Variants in KCNMA1 observed in about 807,000 individuals in gnomAD.
The protein encoded by KCNMA1 is Calcium-activated potassium channel subunit alpha-1.
KCNMA1 carries 29 observed loss-of-function variants against 140.0 expected under a neutral mutation model. That is an observed-to-expected ratio of 0.21 (90% CI 0.15 to 0.28). KCNMA1 has a LOEUF of 0.28. Among genes scored for constraint, KCNMA1 ranks in the 10% least tolerant of loss-of-function variants. The probability of loss-of-function intolerance (pLI) is 1.00; values close to 1 mark genes in which losing one functional copy is unlikely to be tolerated. For synonymous variants in KCNMA1, 612 were observed against 611.9 expected (o/e 1.00, Z 0.00); for missense variants, 880 against 1,602.2 (o/e 0.55, Z 7.70).
At chr10:77,304,177 T>C (rs2154336321) in intron 2 of KCNMA1, among the ~76,000 whole-genome samples, 1 of 152,178 alleles carries the variant, frequency 6.6e-6, no homozygotes, top group East Asian at 1.9e-4. Context: ...GAAGGGAAAA[T>C]GAGAACAAGA....
At chr10:77,012,412 A>G (rs2091013907) in intron 17 of KCNMA1, 1 of 1,545,890 alleles carries the variant, frequency 6.5e-7, no homozygotes, top group East Asian at 2.4e-5. Flanking sequence ...GGGAAGTTAA[A>G]TACAACACCA....
chr10:77,088,980 C>T (rs765633448), intron 10 of KCNMA1, among the ~76,000 whole-genome samples: 6 of 152,174 alleles, frequency 3.9e-5, no homozygotes, highest in Non-Finnish European at 5.9e-5. Flanking sequence ...TCTTGAAATG[C>T]CCAACTCATG....
chr10:77,570,452 T>C (rs1417036182), intron 1 of KCNMA1, among the ~76,000 whole-genome samples: 1 of 149,104 alleles, frequency 6.7e-6, no homozygotes, highest in Admixed American at 6.7e-5. Flanking sequence ...ATGGATGAAA[T>C]TGGAAATCAT....
At chr10:77,300,019 C>T (rs2076179653) in intron 2 of KCNMA1, among the ~76,000 whole-genome samples, 1 of 152,226 alleles carries the variant, frequency 6.6e-6, no homozygotes, top group Non-Finnish European at 1.5e-5. Context: ...TGGGCTCCAT[C>T]AGCTCATGCT....
intron 2 of KCNMA1, among the ~76,000 whole-genome samples, chr10:77,294,643 G>T (rs1318985123): frequency 2.0e-5 from 3 of 152,222 alleles, no homozygotes; most frequent in Admixed American, 1.3e-4. Flanking sequence ...TCAGGGCCAG[G>T]CACAGTGACT....
chr10:77,398,655 A>G (rs568129275), intron 2 of KCNMA1, among the ~76,000 whole-genome samples: 3 of 152,354 alleles, frequency 2.0e-5, no homozygotes, highest in African/African-American at 4.8e-5. Flanking sequence ...AAGAAAGTTT[A>G]CTGGAACAAA....
exon 30 of KCNMA1, chr10:76,877,813 C>T (rs1311354814): frequency 1.9e-6 from 3 of 1,597,702 alleles, no homozygotes; most frequent in East Asian, 2.2e-5. Flanking sequence ...ATCTGGTTAG[C>T]CATGTGGGTA....
At chr10:77,496,835 C>A (rs959191460) in intron 1 of KCNMA1, among the ~76,000 whole-genome samples, 1 of 152,160 alleles carries the variant, frequency 6.6e-6, no homozygotes, top group Non-Finnish European at 1.5e-5. Flanking sequence ...CCTGCTGTCA[C>A]CTGGCTGTCT....
intron 1 of KCNMA1, among the ~76,000 whole-genome samples, chr10:77,613,989 T>C (rs891565012): frequency 6.6e-5 from 10 of 152,162 alleles, no homozygotes; most frequent in African/African-American, 2.4e-4. Flanking sequence ...TGACAAGTCA[T>C]TGGCAAGAAG....
chr10:77,086,388 TG>T, intron 11 of KCNMA1, 99 bp downstream of exon 11: 1 of 864,928 alleles, frequency 1.2e-6, no homozygotes, highest in Non-Finnish European at 2.0e-6. Flanking sequence ...AGATGACTCG[TG>T]GCCAACCTAG....
At chr10:77,625,368 G>A (rs921172964) in intron 1 of KCNMA1, among the ~76,000 whole-genome samples, 6 of 151,986 alleles carry the variant, frequency 3.9e-5, no homozygotes, top group African/African-American at 7.2e-5. Context: ...GCGACAGAGC[G>A]AGACTCTGCC....
At chr10:77,395,391 T>G (rs1393650022) in intron 2 of KCNMA1, among the ~76,000 whole-genome samples, 2 of 152,110 alleles carry the variant, frequency 1.3e-5, no homozygotes, top group Non-Finnish European at 2.9e-5. Flanking sequence ...CCTTAGCTTA[T>G]GAACCACACA....
intron 3 of KCNMA1, among the ~76,000 whole-genome samples, chr10:77,219,674 C>T (rs563808178): frequency 6.6e-6 from 1 of 152,280 alleles, no homozygotes; most frequent in African/African-American, 2.4e-5. Flanking sequence ...GGCTGGAGTG[C>T]AGTGGCGCGA....
chr10:77,505,906 AGTC>A (rs1403944622), intron 1 of KCNMA1, among the ~76,000 whole-genome samples: 4 of 152,202 alleles, frequency 2.6e-5, no homozygotes, highest in Non-Finnish European at 5.9e-5. Context: ...GTACTGCAAG[AGTC>A]CAAGCAAGCA....
intron 1 of KCNMA1, among the ~76,000 whole-genome samples, chr10:77,493,373 G>A (rs563543327): frequency 6.6e-6 from 1 of 152,228 alleles, no homozygotes; most frequent in Non-Finnish European, 1.5e-5. Context: ...CTGCCCCCAG[G>A]GACCCAAAAC....
At chr10:77,238,441 G>C (rs564799427) in intron 3 of KCNMA1, among the ~76,000 whole-genome samples, 1 of 152,288 alleles carries the variant, frequency 6.6e-6, no homozygotes, top group Non-Finnish European at 1.5e-5. Context: ...GCAAATCAAA[G>C]AGCTCTTAGG....
intron 24 of KCNMA1, chr10:76,914,254 G>C: frequency 1.3e-6 from 1 of 748,972 alleles, no homozygotes. Flanking sequence ...CCGGACCACA[G>C]GTAGTTTGCA....
chr10:77,434,654 T>C (rs2097219439), intron 1 of KCNMA1, among the ~76,000 whole-genome samples: 1 of 152,020 alleles, frequency 6.6e-6, no homozygotes, highest in South Asian at 2.1e-4. Context: ...ACGGGTGAAA[T>C]AGATGAATAC....
intron 2 of KCNMA1, among the ~76,000 whole-genome samples, chr10:77,338,195 C>T (rs899905923): frequency 5.9e-5 from 9 of 152,254 alleles, no homozygotes; most frequent in African/African-American, 1.2e-4. Context: ...TACCTTCTTT[C>T]GGAGATTTCC....
Sources: allele counts gnomAD v4.1 joint callset (sites outside exome capture counted in the v4.1 genomes callset), GRCh38; gene constraint gnomAD v4.1.1; transcripts MANE v1.5; gene names NCBI Gene and HGNC (gene_info 2026-07-23, HGNC 2026-07-21).